BRWD1: variants seen among roughly 807,000 people sequenced by gnomAD.
BRWD1 encodes the protein bromodomain and WD repeat domain containing 1, also known as bromodomain and WD repeat-containing protein 1.
BRWD1 carries 82 observed loss-of-function variants against 251.2 expected under a neutral mutation model. The observed-to-expected ratio is 0.33, with a 90% CI of 0.27 to 0.39. The LOEUF is 0.39. BRWD1 is among the 10% of genes least tolerant of loss of function. The pLI, the probability that BRWD1 is intolerant of heterozygous loss-of-function variation, is 1.00. For synonymous variants in BRWD1, 918 were observed against 902.8 expected, an observed-to-expected ratio of 1.02 and a Z score of -0.30; for missense variants, 2,233 against 2,711.6, an observed-to-expected ratio of 0.82 and a Z score of 3.92.
At chr21:39,321,081 CTT>C (rs1407122458) in exon 1 of BRWD1, 1 of 152,182 alleles carries the variant, frequency 6.6e-6, no homozygotes, top group Non-Finnish European at 1.5e-5. Context: ...ACCACAACCT[CTT>C]ATGTCTTACT....
chr21:39,202,271 G>A (rs1261335456), intron 38 of BRWD1, 54 bp downstream of exon 38: 3 of 1,344,320 alleles, frequency 2.2e-6, no homozygotes, highest in Middle Eastern at 2.6e-4. Context: ...GTAACGGCCA[G>A]TGTTACACAT....
At chr21:39,282,874 G>A (rs1381650046) in intron 8 of BRWD1, among the ~76,000 whole-genome samples, 2 of 150,246 alleles carry the variant, frequency 1.3e-5, no homozygotes, top group Non-Finnish European at 2.9e-5. Context: ...CAGGAGAATC[G>A]CTTGAACCTG....
At position 39,197,399 on chromosome 21, in the gene BRWD1, G is replaced by A. The variant is rs1414912871; in HGVS notation, c.5670C>T (p.Asp1890=). Residue 1890 remains aspartate (D), a synonymous_variant, in exon 41 of 41, where the codon GAC becomes GAT. Transcript: ENST00000342449. ...TGGAAATTTTTCTGCTTAGTCCATT[G>A]TCTTGTGATGCAGAATCTAAAAGTT... ...NNFMKDSASQ[D]NGLSRKISRK... is the part of the protein sequence containing the mutation. 1 of 1,573,190 alleles carries A rather than the reference G, an allele frequency of 6.4e-7. No individual in the cohort carries two copies. The highest frequency in any genetic ancestry group is 8.6e-7 in the Non-Finnish European group (1 of 1,162,658).
Position 39,187,710 on chromosome 21 carries a change from T to C in BRWD1, c.*8549A>G. The C allele has an allele frequency of 1.0e-6, 1 of 985,288 alleles. No homozygotes were observed. Among genetic ancestry groups the C allele is most frequent in the Non-Finnish European group, 1.2e-6 (1 of 829,816 alleles). The allele number at this position is 985,288 out of a possible 1,614,324, so 61.0% of individuals were successfully genotyped here. On this transcript the variant is annotated 3_prime_UTR_variant, in exon 41 of 41. Coordinates refer to ENST00000342449, the MANE Select transcript of BRWD1 (RefSeq NM_033656.4). ...AGCTGCTAATCTAAAAACATATATA[T>C]GAGCATTTTACATAATTTGAATTAC...
chr21:39,187,050 T>C lies in BRWD1; in HGVS notation c.*9209A>G, dbSNP rs746462174. On this transcript the variant is annotated 3_prime_UTR_variant, in exon 41 of 41. Transcript: ENST00000342449. ...ACTATTGTGCATTTTCTTTCCAGGA[T>C]CTGAACCCCCTTAAAAAAAGCATTT... 1.6e-5 allele frequency: 25 copies of C among 1,578,260 alleles called. No homozygotes were observed. The East Asian group carries it at 5.6e-4, about 35-fold the overall frequency.
At chr21:39,205,234 G>C (rs1470359452) in intron 37 of BRWD1, among the ~76,000 whole-genome samples, 1 of 152,184 alleles carries the variant, frequency 6.6e-6, no homozygotes, top group Non-Finnish European at 1.5e-5. Flanking sequence ...AACATATTGG[G>C]AGGCCAAGGT....
intron 8 of BRWD1, among the ~76,000 whole-genome samples, chr21:39,287,689 G>A (rs947312409): frequency 1.9e-4 from 29 of 152,070 alleles, no homozygotes; most frequent in African/African-American, 7.0e-4. Context: ...GTCTTTCAAA[G>A]AACTTCTGGC....
Position 39,191,370 on chromosome 21 carries a change from A to G in BRWD1, c.*4889T>C, listed in dbSNP as rs1385882516. 4.1e-6 allele frequency: 4 copies of G among 985,264 alleles called. No individual in the cohort carries two copies. The African/African-American group carries it at 7.0e-5, about 17-fold the overall frequency. The allele number at this position is 985,264 out of a possible 1,614,324, so 61.0% of individuals were successfully genotyped here. A position where few individuals can be genotyped will look rare whatever the true frequency, so the allele number is the denominator to read the frequency against. ...ACTTGGGACAAGTCTGGAATTAACC[A>G]GCTAGAATGTATTTGGCTTGGAGTA... is the stretch of plus-strand genomic sequence containing the variant. On this transcript the variant is annotated 3_prime_UTR_variant, in exon 41 of 41. Coordinates refer to ENST00000342449, the MANE Select transcript of BRWD1 (RefSeq NM_033656.4).
intron 29 of BRWD1, chr21:39,219,779 A>C (rs2033099740): frequency 1.3e-5 from 2 of 152,210 alleles, no homozygotes; most frequent in South Asian, 4.1e-4. Flanking sequence ...GAGAGATGGG[A>C]ATTTTTTAAA....
chr21:39,213,486 C>A lies in BRWD1; in HGVS notation c.3853G>T (p.Asp1285Tyr). 1 of 1,610,352 alleles carries A rather than the reference C, an allele frequency of 6.2e-7. No individual in the cohort carries two copies. Among genetic ancestry groups the A allele is most frequent in the Non-Finnish European group, 8.5e-7 (1 of 1,178,404 alleles). ...AAAATCAACAAACTTCATACCAAATCCTCAGCATTTTGCTCATCATTTTCA... is the reference window on the plus strand; with the variant it reads ...AAAATCAACAAACTTCATACCAAATACTCAGCATTTTGCTCATCATTTTCA... ...TSENDEQNAE[D>Y]LDDSDLPKTS... Residue 1285 changes from aspartate to tyrosine, a missense_variant, in exon 33 of 41, where the codon GAT becomes TAT. Around this residue, in one of 12 missense-constraint regions of BRWD1, gnomAD observed 167 missense variants for 183.2 expected, o/e 0.91. Transcript: ENST00000342449.
chr21:39,218,451 T>C, intron 30 of BRWD1, 54 bp downstream of exon 30: 1 of 1,498,408 alleles, frequency 6.7e-7, no homozygotes, highest in Non-Finnish European at 8.9e-7. Flanking sequence ...TTTAAATACC[T>C]TTATGAAAAA....
At chr21:39,237,866 A>G (rs1158781063) in intron 22 of BRWD1, among the ~76,000 whole-genome samples, 2 of 152,222 alleles carry the variant, frequency 1.3e-5, no homozygotes, top group African/African-American at 2.4e-5. Context: ...TCTTAAAAAA[A>G]TCATTCTAGC....
intron 37 of BRWD1, among the ~76,000 whole-genome samples, chr21:39,203,331 G>C (rs1392265455): frequency 6.6e-6 from 1 of 151,588 alleles, no homozygotes; most frequent in Non-Finnish European, 1.5e-5. Context: ...GCACATCTAT[G>C]ATCGCAGCTA....
intron 2 of BRWD1, 33 bp downstream of exon 2, chr21:39,313,208 C>T: frequency 6.6e-7 from 1 of 1,525,340 alleles, no homozygotes; most frequent in Non-Finnish European, 8.8e-7. Flanking sequence ...CTGGGGACGC[C>T]AAGTCCGCAG....
upstream of BRWD1, chr21:39,314,109 A>T (rs113271475): frequency 7.6e-3 from 3,468 of 455,966 alleles, 103 homozygotes; most frequent in African/African-American, 0.064. Flanking sequence ...GTCTGGGGCC[A>T]GTGCGTCTTG....
In BRWD1 at chr21:39,195,368, C is replaced by T; in HGVS notation, c.*891G>A. On this transcript the variant is annotated 3_prime_UTR_variant, in exon 41 of 41. Coordinates refer to ENST00000342449, the MANE Select transcript of BRWD1 (RefSeq NM_033656.4). ...GCCCTGTACACTCTATTAAAGAACA[C>T]ACTTCTAAATCTAAGGCACACGAAT... 1.0e-6 allele frequency: 1 copy of T among 985,594 alleles called. No homozygotes were observed. The highest frequency in any genetic ancestry group is 1.2e-6 in the Non-Finnish European group (1 of 829,624). The allele number at this position is 985,594 out of a possible 1,614,324, so 61.1% of individuals were successfully genotyped here.
chr21:39,278,889 C>A, intron 9 of BRWD1, 76 bp from the exon 10 acceptor site: 1 of 1,122,892 alleles, frequency 8.9e-7, no homozygotes, highest in Non-Finnish European at 1.2e-6. Context: ...TAGTTTTAAT[C>A]TAGCATATTT....
intron 4 of BRWD1, among the ~76,000 whole-genome samples, chr21:39,310,542 A>G (rs577604804): frequency 2.7e-4 from 41 of 152,212 alleles, no homozygotes; most frequent in Non-Finnish European, 5.3e-4. Context: ...CAGGAGGATC[A>G]CTTGAACCCA....
At chr21:39,284,683 T>G (rs1412045596) in intron 8 of BRWD1, among the ~76,000 whole-genome samples, 2 of 152,260 alleles carry the variant, frequency 1.3e-5, no homozygotes, top group Admixed American at 6.5e-5. Context: ...ATTAGTGATG[T>G]TAAGCATATT....
Sources: gnomAD v4.1 joint callset for allele counts (sites outside exome capture counted in the v4.1 genomes callset) on GRCh38, gnomAD v4.1.1 for gene constraint, gnomAD v4.1.1 regional missense constraint, MANE v1.5 for transcripts, NCBI Gene and HGNC (gene_info 2026-07-23, HGNC 2026-07-21) for gene names.